Variants in CACNA1A observed in about 807,000 individuals in gnomAD.
CACNA1A encodes the protein voltage-dependent P/Q-type calcium channel subunit alpha-1A.
Under a neutral mutation model 262.4 loss-of-function variants are expected in CACNA1A, and 57 were observed. The ratio of observed to expected loss-of-function variants is 0.22; its 90% confidence interval spans 0.18 to 0.27. The LOEUF (loss-of-function observed/expected upper bound fraction) is 0.27, where lower values mean the gene tolerates loss of function less well. Ranked by LOEUF, CACNA1A falls within the 10% of genes least tolerant of loss-of-function variation. CACNA1A has a pLI of 1.00. For missense variants in CACNA1A, 2,526 were observed against 3,562.8 expected (o/e 0.71, Z 7.41); for synonymous variants, 1,431 against 1,419.3 (o/e 1.01, Z -0.18).
chr19:13,253,713 G>T (rs2056465542), intron 29 of CACNA1A, among the ~76,000 whole-genome samples: 1 of 151,048 alleles, frequency 6.6e-6, no homozygotes, highest in Non-Finnish European at 1.5e-5. Context: ...CAAAGTGCTG[G>T]GATTACAGGC....
intron 3 of CACNA1A, among the ~76,000 whole-genome samples, chr19:13,427,466 A>C (rs886717491): frequency 2.7e-5 from 4 of 149,606 alleles, no homozygotes; most frequent in Admixed American, 2.7e-4. Flanking sequence ...ATAAATAAAT[A>C]AATAAATAAA....
Position 13,298,845 on chromosome 19 carries a change from G to A in CACNA1A, c.2788C>T (p.Arg930Trp), listed in dbSNP as rs367882437. 1.8e-5 allele frequency: 28 copies of A among 1,584,078 alleles called. No homozygotes were observed. The African/African-American group carries it at 3.7e-4, about 21-fold the overall frequency. The change falls in exon 19 of 47, where the codon CGG (arginine) becomes TGG (tryptophan). Residue 930 changes from arginine (R) to tryptophan (W), a missense_variant. By Grantham distance (101) the Arg-to-Trp change is moderately radical (BLOSUM62 -3). Coordinates refer to ENST00000360228, the MANE Select transcript of CACNA1A (RefSeq NM_001127222.2). ...AERGKAGDPH[R>W]RHVHRQGGSR... ...CCCCCCTGCCGGTGCACGTGCCTCC[G>A]GTGGGGGTCCCCGGCCTTGCCTCGC... is the stretch of plus-strand genomic sequence containing the variant.
chr19:13,360,846 T>C (rs1477470707), intron 5 of CACNA1A, among the ~76,000 whole-genome samples: 1 of 152,242 alleles, frequency 6.6e-6, no homozygotes, highest in Non-Finnish European at 1.5e-5. Context: ...TGTCTGTTAA[T>C]CTGCAAACAC....
intron 31 of CACNA1A, chr19:13,235,985 C>G (rs1177350007): frequency 2.6e-6 from 1 of 388,442 alleles, no homozygotes; most frequent in African/African-American, 2.1e-5. Flanking sequence ...CCCTGCCAGC[C>G]CCACCCACAA....
chr19:13,483,322 T>A (rs1979581980), intron 1 of CACNA1A, among the ~76,000 whole-genome samples: 1 of 152,154 alleles, frequency 6.6e-6, no homozygotes, highest in Non-Finnish European at 1.5e-5. Flanking sequence ...CGTATTGCCT[T>A]AAGCTACTGC....
chr19:13,373,861 T>C (rs967688568), intron 3 of CACNA1A, among the ~76,000 whole-genome samples: 13 of 152,228 alleles, frequency 8.5e-5, no homozygotes, highest in African/African-American at 3.1e-4. Flanking sequence ...AGACTATCCC[T>C]GCCCCATGGA....
chr19:13,280,024 G>C (rs548669531), intron 22 of CACNA1A, among the ~76,000 whole-genome samples: 54 of 152,116 alleles, frequency 3.5e-4, no homozygotes, highest in African/African-American at 1.3e-3. Flanking sequence ...GGCCAGGCTG[G>C]TCTCAAACTC....
Position 13,411,682 on chromosome 19 carries a change from CT to C in CACNA1A, c.540-39904del, listed in dbSNP as rs1219587865. Reference sequence around the variant, plus strand: ...CCTTGACTTCCCTCTCTCTCTTTCTCTCTCTTTCTCCTTCTCTCTCTCTCTC... The same window carrying C: ...CCTTGACTTCCCTCTCTCTCTTTCTCCTCTTTCTCCTTCTCTCTCTCTCTC... On this transcript the variant is annotated intron_variant, in intron 3 of 46. Transcript: ENST00000360228. Among the ~76,000 whole-genome samples the C allele has an allele frequency of 6.7e-5, 10 of 149,232 alleles. No homozygotes were observed. In the South Asian group the frequency reaches 1.9e-3, roughly 29 times the overall value.
intron 6 of CACNA1A, among the ~76,000 whole-genome samples, chr19:13,336,278 C>G (rs1043414107): frequency 3.3e-5 from 5 of 152,138 alleles, no homozygotes; most frequent in Admixed American, 6.5e-5. Context: ...CTTCTCCCAA[C>G]ACAGTCATAG....
intron 44 of CACNA1A, 133 bp from the exon 45 acceptor site, chr19:13,209,631 AGG>A: frequency 1.7e-6 from 1 of 592,652 alleles, no homozygotes; most frequent in Non-Finnish European, 2.5e-6. Flanking sequence ...GGCAGGGGCC[AGG>A]GGATGCCATG....
chr19:13,372,754 C>CA (rs1253061774), intron 3 of CACNA1A, among the ~76,000 whole-genome samples: 3 of 151,960 alleles, frequency 2.0e-5, no homozygotes, highest in Non-Finnish European at 2.9e-5. Context: ...AATAAGAAAA[C>CA]AAAAAAATGG....
At chr19:13,288,048 C>T (rs1394486260) in intron 19 of CACNA1A, among the ~76,000 whole-genome samples, 1 of 151,962 alleles carries the variant, frequency 6.6e-6, no homozygotes, top group Non-Finnish European at 1.5e-5. Context: ...AGTGATTCTT[C>T]CTCCTCGGCC....
intron 6 of CACNA1A, among the ~76,000 whole-genome samples, chr19:13,337,765 G>A (rs2058601373): frequency 6.6e-6 from 1 of 152,140 alleles, no homozygotes; most frequent in Non-Finnish European, 1.5e-5. Flanking sequence ...TCATTTTGTT[G>A]TGCAAACATC....
chr19:13,268,805 C>T (rs2056936522), intron 24 of CACNA1A, among the ~76,000 whole-genome samples: 1 of 151,864 alleles, frequency 6.6e-6, no homozygotes, highest in African/African-American at 2.4e-5. Flanking sequence ...TCCACACCCC[C>T]TCATCTCCTT....
intron 3 of CACNA1A, among the ~76,000 whole-genome samples, chr19:13,448,513 CA>C (rs1038746313): frequency 1.3e-5 from 2 of 151,742 alleles, no homozygotes; most frequent in East Asian, 3.9e-4. Flanking sequence ...AAAAGTAAAA[CA>C]AAAAAAACCA....
At chr19:13,284,816 A>G (rs1332780804) in intron 21 of CACNA1A, among the ~76,000 whole-genome samples, 4 of 152,234 alleles carry the variant, frequency 2.6e-5, no homozygotes, top group Non-Finnish European at 5.9e-5. Context: ...TTTATGACAA[A>G]TTTGTTTATT....
chr19:13,460,043 ACAT>A (rs2061090015), intron 1 of CACNA1A, among the ~76,000 whole-genome samples: 1 of 151,998 alleles, frequency 6.6e-6, no homozygotes, highest in Admixed American at 6.6e-5. Flanking sequence ...TGCTTTTCCA[ACAT>A]CATCCCCCCT....
chr19:13,210,785 G>A, intron 43 of CACNA1A, 133 bp from the exon 44 acceptor site: 1 of 912,772 alleles, frequency 1.1e-6, no homozygotes, highest in Non-Finnish European at 1.8e-6. Flanking sequence ...GGCATCAAGA[G>A]AAATCGGAGG....
intron 37 of CACNA1A, 73 bp downstream of exon 37, chr19:13,227,358 C>A: frequency 1.6e-6 from 1 of 621,352 alleles, no homozygotes; most frequent in Non-Finnish European, 2.8e-6. Context: ...CTGGTCAGCA[C>A]TAAAAAAAAA....
Sources: allele counts gnomAD v4.1 joint callset (sites outside exome capture counted in the v4.1 genomes callset), GRCh38; gene constraint gnomAD v4.1.1; transcripts MANE v1.5; gene names NCBI Gene and HGNC (gene_info 2026-07-23, HGNC 2026-07-21).